The following SIN3B variants were observed in gnomAD, a reference collection of about 807,000 sequenced individuals.
The protein encoded by SIN3B is paired amphipathic helix protein Sin3b.
SIN3B carries 19 observed loss-of-function variants against 120.2 expected under a neutral mutation model. The ratio of observed to expected loss-of-function variants is 0.16; its 90% confidence interval spans 0.11 to 0.23. The LOEUF (loss-of-function observed/expected upper bound fraction) is 0.23. Among genes scored for constraint, SIN3B ranks in the 10% least tolerant of loss-of-function variants. The pLI is 1.00. For missense variants in SIN3B, 1,073 were observed against 1,573.0 expected, an observed-to-expected ratio of 0.68 and a Z score of 5.38; for synonymous variants, 654 against 653.2, an observed-to-expected ratio of 1.00 and a Z score of -0.02.
At position 16,829,470 on chromosome 19, in the gene SIN3B, C is replaced by T. The variant is rs1287064672; in HGVS notation, c.50C>T (p.Ala17Val). ...GGTGGCAGCGGTGCCGGCGGCCCCG[C>T]GGGCCGGGGGCTGAGCGGCGCCCGC... The part of the protein sequence containing the change: ...GSGGSGAGGP[A>V]GRGLSGARWG... Residue 17 changes from alanine to valine, a missense_variant, in exon 1 of 19, where the codon GCG becomes GTG. Ala to Val is a moderately conservative substitution (Grantham distance 64). Transcript: ENST00000248054. 2 of 1,217,314 alleles carry T rather than the reference C, an allele frequency of 1.6e-6. No homozygotes were observed. The highest frequency in any genetic ancestry group is 2.0e-6 in the Non-Finnish European group (2 of 978,554). The allele number at this position is 1,217,314 out of a possible 1,614,324, so 75.4% of individuals were successfully genotyped here.
In SIN3B at chr19:16,871,260, C is replaced by T; in HGVS notation, c.2454C>T (p.Ala818=). The part of the protein sequence containing the change: ...SEVELEEYYP[A]FLDMVRSLLE... ...TGGAGCTGGAGGAGTACTACCCGGC[C>T]TTCCTGGACATGGTGCGGAGCCTGC... The change falls in exon 14 of 19, where the codon GCC becomes GCT. Residue 818 remains alanine, a synonymous_variant. Coordinates refer to ENST00000248054, the MANE Select transcript of SIN3B (RefSeq NM_001297595.2). 6.2e-7 allele frequency: 1 copy of T among 1,614,218 alleles called. No individual in the cohort carries two copies. The highest frequency in any genetic ancestry group is 1.1e-5 in the South Asian group (1 of 91,088).
chr19:16,833,950 C>A (rs1971312427), intron 3 of SIN3B, among the ~76,000 whole-genome samples: 1 of 151,986 alleles, frequency 6.6e-6, no homozygotes, highest in African/African-American at 2.4e-5. Context: ...TGGTCTCGAA[C>A]TCCTGACCCC....
intron 4 of SIN3B, among the ~76,000 whole-genome samples, chr19:16,843,682 C>G (rs1226346393): frequency 1.3e-5 from 2 of 152,162 alleles, no homozygotes; most frequent in African/African-American, 4.8e-5. Flanking sequence ...GACAAGGTCA[C>G]AATGAGGGGT....
chr19:16,875,598 C>G (rs2051587850), intron 14 of SIN3B, among the ~76,000 whole-genome samples: 1 of 123,404 alleles, frequency 8.1e-6, no homozygotes, highest in African/African-American at 3.2e-5. Flanking sequence ...TTGGTTTGGT[C>G]TGGTCTGGTT....
chr19:16,854,733 G>A (rs1043862875), intron 8 of SIN3B: 15 of 154,304 alleles, frequency 9.7e-5, no homozygotes, highest in East Asian at 9.6e-4. Context: ...GTGGGGTGGC[G>A]TCCTGTCCAG....
chr19:16,867,842 T>A (rs1971799530), intron 12 of SIN3B, among the ~76,000 whole-genome samples: 1 of 152,140 alleles, frequency 6.6e-6, no homozygotes, highest in Non-Finnish European at 1.5e-5. Flanking sequence ...CCACTCTGGC[T>A]TCCTCACTCT....
At position 16,846,667 on chromosome 19, in the gene SIN3B, T is replaced by C. The variant is rs557178206; in HGVS notation, c.583-303T>C. Among the ~76,000 whole-genome samples the C allele has an allele frequency of 6.2e-4, 94 of 152,314 alleles. 1 individual carries two copies. Among genetic ancestry groups the C allele is most frequent in the African/African-American group, 2.2e-3 (91 of 41,564 alleles). On this transcript the variant is annotated intron_variant, in intron 4 of 18. Transcript: ENST00000248054. ...CATTTCCCTTGGGAAGGCCTGGGGT[T>C]CGCCCCTGACCTTGTACTTCCCCGG...
intron 4 of SIN3B, among the ~76,000 whole-genome samples, chr19:16,842,173 C>T (rs1240690008): frequency 1.3e-5 from 2 of 151,404 alleles, no homozygotes; most frequent in African/African-American, 2.4e-5. Context: ...TTGCAACCTC[C>T]ACCTCCTGGG....
At chr19:16,839,522 C>G (rs1346693398) in intron 3 of SIN3B, among the ~76,000 whole-genome samples, 1 of 152,148 alleles carries the variant, frequency 6.6e-6, no homozygotes, top group Admixed American at 6.5e-5. Context: ...TTGGAAATGC[C>G]TCCTTGGAAT....
At chr19:16,863,363 G>T (rs1599606223) in intron 9 of SIN3B, 1 of 487,210 alleles carries the variant, frequency 2.1e-6, no homozygotes, top group East Asian at 3.6e-5. Context: ...ATTGCATTAG[G>T]TATAAGTATT....
Position 16,841,841 on chromosome 19 carries a change from A to T in SIN3B, c.455A>T (p.Gln152Leu), listed in dbSNP as rs1971421057. 1.2e-6 allele frequency: 2 copies of T among 1,614,010 alleles called. No individual in the cohort carries two copies. Residue 152 changes from glutamine (Q) to leucine (L), a missense_variant, in exon 4 of 19, where the codon CAG becomes CTG. Gln to Leu is a moderately radical substitution (Grantham distance 113). Coordinates refer to ENST00000248054, the MANE Select transcript of SIN3B (RefSeq NM_001297595.2). ...QQVPYKEDKPQVPLESDSVEF... is the reference protein window; with the variant it reads ...QQVPYKEDKPLVPLESDSVEF... ...GTGCCGTATAAAGAGGACAAACCCCAGGTGCCCCTGGAGTCCGATTCCGTG... is the reference window on the plus strand; with the variant it reads ...GTGCCGTATAAAGAGGACAAACCCCTGGTGCCCCTGGAGTCCGATTCCGTG...
intron 12 of SIN3B, among the ~76,000 whole-genome samples, chr19:16,867,128 G>A (rs1166716512): frequency 6.6e-6 from 1 of 152,182 alleles, no homozygotes; most frequent in Non-Finnish European, 1.5e-5. Context: ...GGTAGTGGGT[G>A]GCAGCAGCCT....
rs200337811 is a variant in SIN3B, at chr19:16,878,235, C to T, written c.3007C>T (p.Arg1003Cys). 25 of 1,598,252 alleles carry T rather than the reference C, an allele frequency of 1.6e-5. No homozygotes were observed. In the East Asian group the frequency reaches 1.6e-4, roughly 10 times the overall value. Residue 1003 changes from arginine to cysteine, a missense_variant, in exon 18 of 19, where the codon CGC becomes TGC. By Grantham distance (180) the Arg-to-Cys change is radical. Coordinates refer to ENST00000248054, the MANE Select transcript of SIN3B (RefSeq NM_001297595.2). ...RWQSEQARAL[R>C]GEARSSWKRL... ...GCAGAGCGAGCAGGCGCGGGCCCTG[C>T]GCGGTGAGGCCAGGAGCTCCTGGAA... is the stretch of plus-strand genomic sequence containing the variant.
intron 8 of SIN3B, among the ~76,000 whole-genome samples, chr19:16,860,202 G>A (rs1330957855): frequency 2.0e-5 from 3 of 152,192 alleles, no homozygotes; most frequent in Admixed American, 6.5e-5. Flanking sequence ...GGTTAGGAGC[G>A]TTCACCACCA....
chr19:16,844,386 G>C (rs1971454841), intron 4 of SIN3B, among the ~76,000 whole-genome samples: 2 of 152,132 alleles, frequency 1.3e-5, no homozygotes, highest in Admixed American at 1.3e-4. Context: ...TTCTCCCTCG[G>C]GGTTCTTATC....
intron 5 of SIN3B, among the ~76,000 whole-genome samples, chr19:16,848,898 A>C (rs1448395358): frequency 6.6e-6 from 1 of 152,196 alleles, no homozygotes; most frequent in Admixed American, 6.5e-5. Context: ...TTGGCCTCCC[A>C]AAGTGTTAGG....
intron 8 of SIN3B, among the ~76,000 whole-genome samples, chr19:16,859,631 A>G (rs972836665): frequency 6.6e-6 from 1 of 152,118 alleles, no homozygotes; most frequent in Non-Finnish European, 1.5e-5. Flanking sequence ...CGCCCTGAAG[A>G]ACAGCCCAGA....
chr19:16,843,387 C>G (rs939752812), intron 4 of SIN3B, among the ~76,000 whole-genome samples: 2 of 152,336 alleles, frequency 1.3e-5, no homozygotes, highest in East Asian at 1.9e-4. Context: ...CTGGGAACTC[C>G]ACAGCATTTG....
intron 4 of SIN3B, 122 bp from the exon 5 acceptor site, chr19:16,846,848 G>T: frequency 9.5e-7 from 1 of 1,053,008 alleles, no homozygotes. Flanking sequence ...AGGACCCTGC[G>T]GGCAGGTGCT....
Sources: gnomAD v4.1 joint callset for allele counts (sites outside exome capture counted in the v4.1 genomes callset) on GRCh38, gnomAD v4.1.1 for gene constraint, MANE v1.5 for transcripts, NCBI Gene and HGNC (gene_info 2026-07-23, HGNC 2026-07-21) for gene names.